Variants in PRR35 observed in about 807,000 individuals in gnomAD.
PRR35 encodes proline-rich protein 35.
A neutral mutation model predicts 18.6 loss-of-function variants in PRR35; 14 were observed. The observed-to-expected ratio is 0.75, with a 90% CI of 0.50 to 1.18. The LOEUF (loss-of-function observed/expected upper bound fraction) is 1.18, where lower values mean the gene tolerates loss of function less well. PRR35 is among the 50% of genes most tolerant of loss of function. PRR35 has a pLI of 0.00. For synonymous variants in PRR35, 425 were observed against 378.2 expected (o/e 1.12, Z -1.43); for missense variants, 832 against 792.2 (o/e 1.05, Z -0.60).
In PRR35 at chr16:560,864, G is replaced by C. The variant is rs1016350352; in HGVS notation, c.-40+203G>C. On this transcript the variant is annotated intron_variant, in intron 1 of 2. Coordinates refer to ENST00000409413, the MANE Select transcript of PRR35 (RefSeq NM_145270.3). ...GCCAGGCGGGGAGGGCAGGGGCCGGGTCTGGGGTCTGGGGCAGACGCCTGA... is the reference window on the plus strand; with the variant it reads ...GCCAGGCGGGGAGGGCAGGGGCCGGCTCTGGGGTCTGGGGCAGACGCCTGA... 2.0e-5 allele frequency among the ~76,000 whole-genome samples: 3 copies of C among 151,462 alleles called. No homozygotes were observed. The East Asian group carries it at 5.9e-4, about 30-fold the overall frequency.
intron 1 of PRR35, chr16:561,877 C>T (rs1029498089): frequency 6.4e-5 from 40 of 623,892 alleles, no homozygotes; most frequent in South Asian, 2.8e-4. Flanking sequence ...GGAAAGCCCC[C>T]CCACACCTGG....
upstream of PRR35, chr16:560,390 C>T: frequency 2.0e-6 from 2 of 982,900 alleles, no homozygotes; most frequent in Admixed American, 6.2e-5. Context: ...CCGCCTCTGC[C>T]GCCAACTTCG....
At chr16:562,631 A>C (rs1460362805) in intron 1 of PRR35, among the ~76,000 whole-genome samples, 2 of 151,974 alleles carry the variant, frequency 1.3e-5, no homozygotes, top group African/African-American at 4.8e-5. Context: ...ACGCAGCATC[A>C]TCCCACACAG....
Position 565,079 on chromosome 16 carries a change from C to A in PRR35, c.1488C>A (p.Gly496=). ...AGCTGGGTCCCGTGTTGACCGGGGG[C>A]ACCCCCGAGCCACCCGGCATGCTGG... is the stretch of plus-strand genomic sequence containing the variant. The part of the protein sequence containing the change: ...RPELGPVLTG[G]TPEPPGMLGP... The change falls in exon 3 of 3, where the codon GGC becomes GGA. Residue 496 remains glycine, a synonymous_variant. Coordinates refer to ENST00000409413, the MANE Select transcript of PRR35 (RefSeq NM_145270.3). The A allele has an allele frequency of 6.3e-7, 1 of 1,591,110 alleles. No homozygotes were observed. Among genetic ancestry groups the A allele is most frequent in the African/African-American group, 1.3e-5 (1 of 74,226 alleles).
chr16:564,984 C>G lies in PRR35; in HGVS notation c.1393C>G (p.Leu465Val). Reference protein sequence around the residue: ...EQAVRPPDAPLDLSVKRAPAK... With the variant: ...EQAVRPPDAPVDLSVKRAPAK... ...GGCCGTGAGGCCGCCAGACGCACCCCTCGACCTCTCTGTGAAACGTGCGCC... is the reference window on the plus strand; with the variant it reads ...GGCCGTGAGGCCGCCAGACGCACCCGTCGACCTCTCTGTGAAACGTGCGCC... The change falls in exon 3 of 3, where the codon CTC becomes GTC. Residue 465 changes from leucine (L) to valine (V), a missense_variant. By Grantham distance (32) the Leu-to-Val change is conservative (BLOSUM62 1). Around this residue, in one of 3 missense-constraint regions of PRR35, gnomAD observed 768 missense variants for 704.1 expected, o/e 1.09. Transcript: ENST00000409413. 1.9e-6 allele frequency: 3 copies of G among 1,607,650 alleles called. No individual in the cohort carries two copies. The highest frequency in any genetic ancestry group is 2.5e-6 in the Non-Finnish European group (3 of 1,178,354).
At chr16:562,288 C>T (rs937944252) in intron 1 of PRR35, among the ~76,000 whole-genome samples, 5 of 152,210 alleles carry the variant, frequency 3.3e-5, no homozygotes, top group Admixed American at 2.0e-4. Context: ...GTGGCTGAGC[C>T]GTGGGGCCAT....
In PRR35 at chr16:560,422, G is replaced by A. The variant is rs1486134070; in HGVS notation, c.-279G>A. 1 of 983,056 alleles carries A rather than the reference G, an allele frequency of 1.0e-6. No individual in the cohort carries two copies. Among genetic ancestry groups the A allele is most frequent in the Non-Finnish European group, 1.2e-6 (1 of 829,092 alleles). 60.9% of individuals were successfully genotyped at this position (983,056 alleles called of 1,614,324 possible). A position where few individuals can be genotyped will look rare whatever the true frequency, so the allele number is the denominator to read the frequency against. On this transcript the variant is annotated 5_prime_UTR_variant, in exon 1 of 3. Coordinates refer to ENST00000409413, the MANE Select transcript of PRR35 (RefSeq NM_145270.3). ...TTCGGGAGGTGCGAGCGGCGTCGGG[G>A]GGACGCGGGCGGCGGCGGAGGCTGC... is the stretch of plus-strand genomic sequence containing the variant.
At position 560,566 on chromosome 16, in the gene PRR35, C is replaced by G; in HGVS notation, c.-135C>G. The G allele has an allele frequency of 1.0e-6, 1 of 983,102 alleles. No individual in the cohort carries two copies. The highest frequency in any genetic ancestry group is 1.2e-6 in the Non-Finnish European group (1 of 829,008). The allele number at this position is 983,102 out of a possible 1,614,324, so 60.9% of individuals were successfully genotyped here. On this transcript the variant is annotated 5_prime_UTR_variant, in exon 1 of 3. Transcript: ENST00000409413. ...CAGAGCCCCAGCGCGTCCGCGGGGT[C>G]CGAGTCGCGGCCGGCGCGGGGCGGG...
chr16:563,396 C>T lies in PRR35; in HGVS notation c.102C>T (p.Pro34=), dbSNP rs562927324. The T allele has an allele frequency of 3.7e-6, 6 of 1,612,438 alleles. No homozygotes were observed. The South Asian group carries it at 6.6e-5, about 18-fold the overall frequency. The change falls in exon 2 of 3, where the codon CCC becomes CCT. Residue 34 remains proline (P), a synonymous_variant. Transcript: ENST00000409413. ...PHYIPRPWGK[P]YNYKCFQCPF... ...ACATCCCGCGGCCCTGGGGCAAACCCTACAACTACAAATGCTTCCAGTGCC... is the reference window on the plus strand; with the variant it reads ...ACATCCCGCGGCCCTGGGGCAAACCTTACAACTACAAATGCTTCCAGTGCC...
At chr16:562,188 T>G (rs963056991) in intron 1 of PRR35, among the ~76,000 whole-genome samples, 1 of 152,130 alleles carries the variant, frequency 6.6e-6, no homozygotes, top group South Asian at 2.1e-4. Context: ...GTGTGGGGCG[T>G]GGGGAGGAGC....
At chr16:561,801 C>T (rs567338888) in intron 1 of PRR35, 67 of 985,278 alleles carry the variant, frequency 6.8e-5, no homozygotes, top group African/African-American at 4.7e-4. Context: ...GCCAGGTCTG[C>T]GTGTGTCCTG....
At chr16:561,733 G>C in intron 1 of PRR35, 1 of 985,408 alleles carries the variant, frequency 1.0e-6, no homozygotes, top group Non-Finnish European at 1.2e-6. Context: ...AGACAGCAGT[G>C]CCCCAGCCCT....
upstream of PRR35, chr16:560,389 C>T: frequency 5.1e-6 from 5 of 982,924 alleles, no homozygotes; most frequent in Non-Finnish European, 6.0e-6. Context: ...CCCGCCTCTG[C>T]CGCCAACTTC....
At position 563,573 on chromosome 16, in the gene PRR35, T is replaced by A; in HGVS notation, c.279T>A (p.Pro93=). Reference sequence around the variant, plus strand: ...CCCACGCACCCACCCCAGACCGCCCTGGGGAGTCCGACCCCGGCAGGCAAC... The same window carrying A: ...CCCACGCACCCACCCCAGACCGCCCAGGGGAGTCCGACCCCGGCAGGCAAC... ...PRPHAPTPDR[P]GESDPGRQPQ... The change falls in exon 2 of 3, where the codon CCT becomes CCA. Residue 93 remains proline (P), a synonymous_variant. Transcript: ENST00000409413. The A allele has an allele frequency of 6.2e-7, 1 of 1,605,394 alleles. No individual in the cohort carries two copies. The highest frequency in any genetic ancestry group is 1.7e-5 in the Admixed American group (1 of 59,180).
chr16:561,747 C>G (rs753555513), intron 1 of PRR35: 31 of 985,352 alleles, frequency 3.1e-5, no homozygotes, highest in Non-Finnish European at 3.7e-5. Flanking sequence ...CAGCCCTACC[C>G]TGCTCAACCC....
In PRR35 at chr16:560,519, C is replaced by T; in HGVS notation, c.-182C>T. The T allele has an allele frequency of 2.0e-6, 2 of 982,888 alleles. No homozygotes were observed. Among genetic ancestry groups the T allele is most frequent in the Non-Finnish European group, 2.4e-6 (2 of 828,888 alleles). 60.9% of individuals were successfully genotyped at this position (982,888 alleles called of 1,614,324 possible). A position where few individuals can be genotyped will look rare whatever the true frequency, so the allele number is the denominator to read the frequency against. ...CCCGGCGCCGGGCCTCAGTTTCCCC[C>T]ACGGGAGCCGCATCCCACCCCCAGA... is the stretch of plus-strand genomic sequence containing the variant. On this transcript the variant is annotated 5_prime_UTR_variant, in exon 1 of 3. Coordinates refer to ENST00000409413, the MANE Select transcript of PRR35 (RefSeq NM_145270.3).
In PRR35 at chr16:564,189, C is replaced by T. The variant is rs1323472052; in HGVS notation, c.895C>T (p.Pro299Ser). 6.4e-7 allele frequency: 1 copy of T among 1,564,356 alleles called. No individual in the cohort carries two copies. The highest frequency in any genetic ancestry group is 1.4e-5 in the African/African-American group (1 of 74,062). ...CAGGAGCCCCTCTGGGACTCCGGCT[C>T]CTGGCCTGCTGAAGGTGCCAGTTCC... ...SPRSPSGTPA[P>S]GLLKVPVPGL... is the part of the protein sequence containing the mutation. The change falls in exon 2 of 3, where the codon CCT becomes TCT. Residue 299 changes from proline (P) to serine (S), a missense_variant. Transcript: ENST00000409413.
chr16:563,868 C>A lies in PRR35; in HGVS notation c.574C>A (p.Pro192Thr). The change falls in exon 2 of 3, where the codon CCG (proline) becomes ACG (threonine). Residue 192 changes from proline (P) to threonine (T), a missense_variant. Pro to Thr is a conservative substitution (Grantham distance 38). Around this residue, in one of 3 missense-constraint regions of PRR35, gnomAD observed 768 missense variants for 704.1 expected, o/e 1.09. Transcript: ENST00000409413. ...GPEGSVPCYPPPAPGEFPEAH... is the reference protein window; with the variant it reads ...GPEGSVPCYPTPAPGEFPEAH... ...TGAGGGCAGCGTCCCCTGCTATCCCCCGCCTGCCCCAGGGGAGTTCCCTGA... is the reference window on the plus strand; with the variant it reads ...TGAGGGCAGCGTCCCCTGCTATCCCACGCCTGCCCCAGGGGAGTTCCCTGA... The A allele has an allele frequency of 6.4e-7, 1 of 1,556,374 alleles. No individual in the cohort carries two copies. Among genetic ancestry groups the A allele is most frequent in the East Asian group, 2.4e-5 (1 of 41,766 alleles).
intron 1 of PRR35, 62 bp downstream of exon 1, chr16:560,723 G>C (rs1380565853): frequency 1.0e-6 from 1 of 969,146 alleles, no homozygotes; most frequent in Non-Finnish European, 1.2e-6. Context: ...CTGGACGCGG[G>C]GCGCGGGGGC....
Sources: gnomAD v4.1 joint callset for allele counts (sites outside exome capture counted in the v4.1 genomes callset) on GRCh38, gnomAD v4.1.1 for gene constraint, gnomAD v4.1.1 regional missense constraint, MANE v1.5 for transcripts, NCBI Gene and HGNC (gene_info 2026-07-23, HGNC 2026-07-21) for gene names.